Variants in MEI4 observed in about 807,000 individuals in gnomAD.
The protein encoded by MEI4 is meiosis-specific protein MEI4.
A neutral mutation model predicts 31.4 loss-of-function variants in MEI4; 27 were observed. The ratio of observed to expected loss-of-function variants is 0.86; its 90% CI spans 0.63 to 1.19. The LOEUF is 1.19. MEI4 is among the 50% of genes most tolerant of loss of function. The probability of loss-of-function intolerance (pLI) is 0.00; values close to 1 mark genes in which losing one functional copy is unlikely to be tolerated. For missense variants in MEI4, 329 were observed against 398.9 expected, an observed-to-expected ratio of 0.82 and a Z score of 1.49; for synonymous variants, 122 against 145.4, an observed-to-expected ratio of 0.84 and a Z score of 1.16.
chr6:77,656,247 A>G (rs1037664201), intron 1 of MEI4, among the ~76,000 whole-genome samples: 3 of 152,160 alleles, frequency 2.0e-5, no homozygotes, highest in Non-Finnish European at 4.4e-5. Flanking sequence ...TCTTTAAGAT[A>G]ATTGTTAGAA....
chr6:77,837,797 A>T, intron 4 of MEI4, among the ~76,000 whole-genome samples: 1 of 152,208 alleles, frequency 6.6e-6, no homozygotes, highest in East Asian at 1.9e-4. Context: ...GTGTGTTATG[A>T]TTTTAAGGAA....
At chr6:77,694,090 CTTTT>C (rs1480730699) in intron 2 of MEI4, among the ~76,000 whole-genome samples, 3 of 151,462 alleles carry the variant, frequency 2.0e-5, no homozygotes, top group South Asian at 4.2e-4. Flanking sequence ...TTCTTTCTTT[CTTTT>C]TTTTAAATGT....
intron 3 of MEI4, among the ~76,000 whole-genome samples, chr6:77,815,156 A>G (rs979167798): frequency 6.6e-6 from 1 of 152,036 alleles, no homozygotes; most frequent in African/African-American, 2.4e-5. Context: ...AGAGTGCACT[A>G]TCTCCAAAGT....
At chr6:77,867,662 T>A (rs943371246) in intron 4 of MEI4, among the ~76,000 whole-genome samples, 2 of 152,182 alleles carry the variant, frequency 1.3e-5, no homozygotes, top group African/African-American at 4.8e-5. Context: ...AGTGTGGCAA[T>A]TCCTCAGGGG....
At chr6:77,885,033 CA>C (rs544192783) in intron 4 of MEI4, among the ~76,000 whole-genome samples, 155 of 152,232 alleles carry the variant, frequency 1.0e-3, no homozygotes, top group Non-Finnish European at 1.9e-3. Context: ...TTGCTTTCAT[CA>C]GAAGTTTGTA....
rs190259379 is a variant in MEI4 at position 77,708,652 on chromosome 6, T to A, written c.232+17749T>A. 6.5e-4 allele frequency among the ~76,000 whole-genome samples: 99 copies of A among 152,278 alleles called. 1 individual carries two copies. Among genetic ancestry groups the A allele is most frequent in the African/African-American group, 2.3e-3 (95 of 41,564 alleles). ...AAGGTGGGGCCTAGTGGGAGGTGTT[T>A]GTGTCATGGTAGCAGATCCCTCATG... On this transcript the variant is annotated intron_variant, in intron 2 of 4. Transcript: ENST00000684080.
At chr6:77,669,820 A>G (rs1331577235) in intron 1 of MEI4, among the ~76,000 whole-genome samples, 1 of 152,202 alleles carries the variant, frequency 6.6e-6, no homozygotes, top group Non-Finnish European at 1.5e-5. Flanking sequence ...CATTTCAGGT[A>G]AGGAAACTGA....
intron 4 of MEI4, among the ~76,000 whole-genome samples, chr6:77,872,573 A>AT (rs1236207068): frequency 1.3e-5 from 2 of 151,408 alleles, no homozygotes; most frequent in African/African-American, 4.9e-5. Flanking sequence ...TTTATTTTTT[A>AT]TTTATTTTAT....
At chr6:77,792,347 A>T (rs9361285) in intron 3 of MEI4, among the ~76,000 whole-genome samples, 1 of 152,028 alleles carries the variant, frequency 6.6e-6, no homozygotes, top group African/African-American at 2.4e-5. Flanking sequence ...TGACAGTTGT[A>T]GTTTTTCGGG....
chr6:77,702,207 T>C (rs1766242268), intron 2 of MEI4, among the ~76,000 whole-genome samples: 1 of 152,190 alleles, frequency 6.6e-6, no homozygotes, highest in South Asian at 2.1e-4. Flanking sequence ...CACCTCTTTG[T>C]CCTTCTCACC....
chr6:77,728,695 A>T (rs1190379150), intron 2 of MEI4, among the ~76,000 whole-genome samples: 2 of 152,186 alleles, frequency 1.3e-5, no homozygotes, highest in Non-Finnish European at 2.9e-5. Flanking sequence ...TGACTCCTGA[A>T]GGAGTGGAGC....
chr6:77,656,482 G>A (rs776517295), intron 1 of MEI4, among the ~76,000 whole-genome samples: 3 of 152,002 alleles, frequency 2.0e-5, no homozygotes, highest in Non-Finnish European at 4.4e-5. Flanking sequence ...TGTACTTTAT[G>A]TTCTATTATT....
At chr6:77,907,978 G>T (rs866252046) in intron 4 of MEI4, among the ~76,000 whole-genome samples, 44 of 147,140 alleles carry the variant, frequency 3.0e-4, no homozygotes, top group Admixed American at 1.2e-3. Flanking sequence ...TATCCTTCAC[G>T]CACTTGTTGA....
intron 2 of MEI4, among the ~76,000 whole-genome samples, chr6:77,744,621 C>T (rs998217521): frequency 1.9e-4 from 29 of 152,066 alleles, no homozygotes; most frequent in Admixed American, 5.2e-4. Context: ...ACAGAGAACG[C>T]CACAAAGATA....
At position 77,658,088 on chromosome 6, in the gene MEI4, C is replaced by G. The variant is rs144280978; in HGVS notation, c.-15+4996C>G. 6.8e-3 allele frequency among the ~76,000 whole-genome samples: 1,033 copies of G among 152,284 alleles called. 24 individuals carry two copies. The highest frequency in any genetic ancestry group is 0.038 in the Admixed American group (581 of 15,300). ...TGAGCAATAAAGCTGTTTATTTCAC[C>G]TGGGTGCAGGCGGGCTGAGTCCGAA... On this transcript the variant is annotated intron_variant, in intron 1 of 4. Coordinates refer to ENST00000684080, the MANE Select transcript of MEI4 (RefSeq NM_001322247.2).
At position 77,714,237 on chromosome 6, in the gene MEI4, TA is replaced by T. The variant is rs1318562647; in HGVS notation, c.232+23344del. 2.3e-5 allele frequency among the ~76,000 whole-genome samples: 3 copies of T among 132,618 alleles called. No homozygotes were observed. In the South Asian group the frequency reaches 7.5e-4, roughly 33 times the overall value. The allele number at this position is 132,618 out of a possible 152,430, so 87.0% of individuals were successfully genotyped here. On this transcript the variant is annotated intron_variant, in intron 2 of 4. Coordinates refer to ENST00000684080, the MANE Select transcript of MEI4 (RefSeq NM_001322247.2). ...TTTACCTATGTAACACTTAAAAATT[TA>T]AAAAAAAAACAAAACAGAAAAGTAA...
chr6:77,712,244 G>A (rs1561954557), intron 2 of MEI4, among the ~76,000 whole-genome samples: 1 of 152,048 alleles, frequency 6.6e-6, no homozygotes, highest in Non-Finnish European at 1.5e-5. Flanking sequence ...AAATCTTGTG[G>A]CATCATTTGT....
intron 3 of MEI4, among the ~76,000 whole-genome samples, chr6:77,826,129 T>C (rs942859217): frequency 2.0e-5 from 3 of 152,242 alleles, no homozygotes; most frequent in African/African-American, 7.2e-5. Context: ...CAGTTTTGTT[T>C]ATACTAAGGC....
intron 4 of MEI4, among the ~76,000 whole-genome samples, chr6:77,898,120 A>G (rs1384419429): frequency 6.6e-6 from 1 of 151,986 alleles, no homozygotes; most frequent in Non-Finnish European, 1.5e-5. Flanking sequence ...GCTCTACTGC[A>G]TTGGGCTCCT....
Sources: gnomAD v4.1 joint callset for allele counts (sites outside exome capture counted in the v4.1 genomes callset) on GRCh38, gnomAD v4.1.1 for gene constraint, MANE v1.5 for transcripts, NCBI Gene and HGNC (gene_info 2026-07-23, HGNC 2026-07-21) for gene names.